Variants in USP7 observed in about 807,000 individuals in gnomAD.
USP7 encodes ubiquitin specific peptidase 7, also known as ubiquitin C-terminal hydrolase 7.
In USP7, 9 loss-of-function variants were observed where a neutral mutation model predicts 162.9. The observed-to-expected ratio is 0.06, with a 90% CI of 0.03 to 0.10. USP7 has a LOEUF of 0.10. Ranked by LOEUF, USP7 falls within the 10% of genes least tolerant of loss-of-function variation. USP7 has a pLI of 1.00. For missense variants in USP7, 715 were observed against 1,373.7 expected, an observed-to-expected ratio of 0.52 and a Z score of 7.58; for synonymous variants, 562 against 475.9, an observed-to-expected ratio of 1.18 and a Z score of -2.35.
intron 18 of USP7, 172 bp downstream of exon 18, chr16:8,901,910 G>A: frequency 1.6e-6 from 1 of 627,750 alleles, no homozygotes; most frequent in Non-Finnish European, 2.7e-6. Context: ...CAGGAAACTC[G>A]CAGCCAAGTC....
At position 8,894,532 on chromosome 16, in the gene USP7, G is replaced by GT. The variant is rs752317217; in HGVS notation, c.3202+17_3202+18insA. The stretch of plus-strand genomic sequence containing the variant: ...GTCTGAAACCCACACCAGCCCCCGG[G>GT]GGGGGGAGAACCCTTACCGGGCTGT... On this transcript the variant is annotated intron_variant, in intron 30 of 30. Coordinates refer to ENST00000344836, the MANE Select transcript of USP7 (RefSeq NM_003470.3). The GT allele has an allele frequency of 9.4e-5, 151 of 1,606,856 alleles. No individual in the cohort carries two copies. In the East Asian group the frequency reaches 1.9e-3, roughly 20 times the overall value.
intron 13 of USP7, 52 bp downstream of exon 13, chr16:8,906,373 CT>C: frequency 6.3e-7 from 1 of 1,582,786 alleles, no homozygotes; most frequent in Non-Finnish European, 8.6e-7. Flanking sequence ...TGAAGCAGAG[CT>C]TGTGTTAACT....
In USP7 at chr16:8,910,763, A is replaced by G; in HGVS notation, c.1143T>C (p.Ala381=). 1 of 1,614,190 alleles carries G rather than the reference A, an allele frequency of 6.2e-7. No homozygotes were observed. Among genetic ancestry groups the G allele is most frequent in the South Asian group, 1.1e-5 (1 of 91,086 alleles). The part of the protein sequence containing the change: ...EQLDGDNKYD[A]GEHGLQEAEK... ...AATTTACCTGTAAGCCATGTTCCCC[A>G]GCGTCGTATTTATTGTCCCCATCGA... The change falls in exon 11 of 31, where the codon GCT becomes GCC. Residue 381 remains alanine, a synonymous_variant. Transcript: ENST00000344836.
At chr16:8,895,838 TG>T (rs1259844990) in intron 26 of USP7, 97 bp from the exon 27 acceptor site, 27 of 716,212 alleles carry the variant, frequency 3.8e-5, no homozygotes, top group African/African-American at 8.0e-5. Flanking sequence ...TACCACGATA[TG>T]TTTTTTTTTT....
At chr16:8,959,586 T>C (rs1296215968) in intron 1 of USP7, among the ~76,000 whole-genome samples, 1 of 152,180 alleles carries the variant, frequency 6.6e-6, no homozygotes, top group Non-Finnish European at 1.5e-5. Flanking sequence ...ATCTTGTAAC[T>C]TTGCAAAGAA....
intron 10 of USP7, among the ~76,000 whole-genome samples, chr16:8,911,656 G>T (rs893708867): frequency 6.6e-6 from 1 of 152,224 alleles, no homozygotes; most frequent in Non-Finnish European, 1.5e-5. Context: ...CCCGGAGAAG[G>T]CAAACCCAGA....
In USP7 at chr16:8,899,633, T is replaced by C; in HGVS notation, c.2434A>G (p.Thr812Ala). 1.2e-6 allele frequency: 2 copies of C among 1,614,236 alleles called. No individual in the cohort carries two copies. The highest frequency in any genetic ancestry group is 1.7e-6 in the Non-Finnish European group (2 of 1,180,016). The change falls in exon 22 of 31, where the codon ACG becomes GCG. Residue 812 changes from threonine to alanine, a missense_variant. By Grantham distance (58) the Thr-to-Ala change is moderately conservative. Coordinates refer to ENST00000344836, the MANE Select transcript of USP7 (RefSeq NM_003470.3). Reference protein sequence around the residue: ...TIPNDPGFVVTLSNRMNYFQV... With the variant: ...TIPNDPGFVVALSNRMNYFQV... ...AAATAATTCATTCTATTTGATAACG[T>C]AACCACAAATCCAGGATCATTAGGG...
chr16:8,920,235 A>C, intron 5 of USP7, 124 bp downstream of exon 5: 1 of 800,482 alleles, frequency 1.2e-6, no homozygotes, highest in South Asian at 1.8e-5. Flanking sequence ...TGTGTGCCAC[A>C]GGGCAAGCGC....
intron 26 of USP7, among the ~76,000 whole-genome samples, chr16:8,896,666 G>A (rs574703778): frequency 1.2e-4 from 18 of 152,186 alleles, no homozygotes; most frequent in African/African-American, 4.3e-4. Context: ...CCTCTGTTTG[G>A]CTTTTCTATG....
At chr16:8,898,792 G>C in intron 23 of USP7, 153 bp from the exon 24 acceptor site, 1 of 652,620 alleles carries the variant, frequency 1.5e-6, no homozygotes, top group Non-Finnish European at 2.6e-6. Flanking sequence ...TGTTTCCCAA[G>C]AACTAAGTCC....
At chr16:8,937,333 C>T (rs1199385526) in intron 1 of USP7, among the ~76,000 whole-genome samples, 1 of 151,964 alleles carries the variant, frequency 6.6e-6, no homozygotes, top group Non-Finnish European at 1.5e-5. Flanking sequence ...TCACCTGAGG[C>T]CAGAAGTTTG....
chr16:8,927,029 G>C (rs1335187301), intron 2 of USP7, among the ~76,000 whole-genome samples: 1 of 152,154 alleles, frequency 6.6e-6, no homozygotes, highest in East Asian at 1.9e-4. Context: ...CAAAAAGAAA[G>C]GTAGGCCGGG....
intron 4 of USP7, 140 bp from the exon 5 acceptor site, chr16:8,920,587 T>C: frequency 2.8e-6 from 2 of 704,384 alleles, no homozygotes; most frequent in Non-Finnish European, 4.5e-6. Context: ...TTTGCTAATT[T>C]TAGACTGTTT....
chr16:8,897,196 C>T (rs1259596482), intron 25 of USP7, 97 bp from the exon 26 acceptor site: 1 of 898,100 alleles, frequency 1.1e-6, no homozygotes, highest in Non-Finnish European at 1.8e-6. Flanking sequence ...TTGTTCTCAA[C>T]TGTCCCCAGC....
intron 2 of USP7, chr16:8,929,390 C>G: frequency 2.3e-6 from 1 of 432,544 alleles, no homozygotes; most frequent in Non-Finnish European, 4.6e-6. Context: ...ATTGCCTCAG[C>G]CAGCTGCCAG....
rs2061615705 is a variant in USP7 at position 8,892,619 on chromosome 16, A to G, written c.*1379T>C. 6.6e-6 allele frequency: 1 copy of G among 151,388 alleles called. No individual in the cohort carries two copies. The highest frequency in any genetic ancestry group is 1.5e-5 in the Non-Finnish European group (1 of 67,858). 9.4% of individuals were successfully genotyped at this position (151,388 alleles called of 1,614,324 possible). A position where few individuals can be genotyped will look rare whatever the true frequency, so the allele number is the denominator to read the frequency against. Reference sequence around the variant, plus strand: ...CTAGTTAGAGGCTAAAAAAAAAAAAAAAAAAAAAAAGAAACAAGAGACCCT... The same window carrying G: ...CTAGTTAGAGGCTAAAAAAAAAAAAGAAAAAAAAAAGAAACAAGAGACCCT... On this transcript the variant is annotated 3_prime_UTR_variant, in exon 31 of 31. Transcript: ENST00000344836.
chr16:8,944,883 A>C (rs906259601), intron 1 of USP7, among the ~76,000 whole-genome samples: 3 of 147,650 alleles, frequency 2.0e-5, no homozygotes, highest in Admixed American at 6.6e-5. Context: ...AGTGAGGGGC[A>C]GATCGAATGA....
In USP7 at chr16:8,899,207, G is replaced by C. The variant is rs1311504319; in HGVS notation, c.2464-19C>G. The C allele has an allele frequency of 1.2e-6, 2 of 1,612,476 alleles. No homozygotes were observed. Among genetic ancestry groups the C allele is most frequent in the Admixed American group, 1.7e-5 (1 of 59,684 alleles). On this transcript the variant is annotated intron_variant, in intron 22 of 30. Coordinates refer to ENST00000344836, the MANE Select transcript of USP7 (RefSeq NM_003470.3). ...TTGCAACCTAAGACACAGAAAGGAA[G>C]GTTCACATTTTGGGGAAAAATTGAA...
chr16:8,897,302 A>G (rs1475228661), intron 25 of USP7: 2 of 534,462 alleles, frequency 3.7e-6, no homozygotes, highest in African/African-American at 3.8e-5. Flanking sequence ...GACCAACCAA[A>G]TACTGACGGG....
Sources: allele counts gnomAD v4.1 joint callset (sites outside exome capture counted in the v4.1 genomes callset), GRCh38; gene constraint gnomAD v4.1.1; transcripts MANE v1.5; gene names NCBI Gene and HGNC (gene_info 2026-07-23, HGNC 2026-07-21).